SASS6: variants seen among roughly 807,000 people sequenced by gnomAD.
SASS6 encodes the protein SAS-6 centriolar assembly protein.
Under a neutral mutation model 94.9 loss-of-function variants are expected in SASS6, and 59 were observed. That is an observed-to-expected ratio of 0.62 (90% CI 0.50 to 0.77). SASS6 has a LOEUF of 0.77. Among genes scored for constraint, SASS6 ranks in the 30% least tolerant of loss-of-function variants. The probability of loss-of-function intolerance (pLI) is 0.00; values close to 1 mark genes in which losing one functional copy is unlikely to be tolerated. For synonymous variants in SASS6, 264 were observed against 270.0 expected, an observed-to-expected ratio of 0.98 and a Z score of 0.22; for missense variants, 698 against 734.1, an observed-to-expected ratio of 0.95 and a Z score of 0.57.
At chr1:100,101,344 T>TC (rs386354187) in intron 14 of SASS6, among the ~76,000 whole-genome samples, 1 of 151,692 alleles carries the variant, frequency 6.6e-6, no homozygotes, top group Non-Finnish European at 1.5e-5. Flanking sequence ...TTTTTTTTTT[T>TC]CCCTGTTAGG....
intron 12 of SASS6, among the ~76,000 whole-genome samples, chr1:100,106,204 T>G (rs1350722794): frequency 6.6e-6 from 1 of 152,162 alleles, no homozygotes; most frequent in African/African-American, 2.4e-5. Flanking sequence ...TTCACAATCT[T>G]ATGTATGATA....
At chr1:100,089,893 T>C (rs944638705) in intron 14 of SASS6, among the ~76,000 whole-genome samples, 1 of 151,776 alleles carries the variant, frequency 6.6e-6, no homozygotes, top group African/African-American at 2.4e-5. Flanking sequence ...TATACTTGAT[T>C]GTTTAAAGAA....
At position 100,094,866 on chromosome 1, in the gene SASS6, C is replaced by CAAA. The variant is rs555045794; in HGVS notation, c.1675-6633_1675-6631dup. Among the ~76,000 whole-genome samples the CAAA allele has an allele frequency of 4.2e-4, 40 of 95,030 alleles. 1 individual carries two copies. Among genetic ancestry groups the CAAA allele is most frequent in the African/African-American group, 8.1e-4 (22 of 27,080 alleles). The allele number at this position is 95,030 out of a possible 152,430, so 62.3% of individuals were successfully genotyped here. A position where few individuals can be genotyped will look rare whatever the true frequency, so the allele number is the denominator to read the frequency against. On this transcript the variant is annotated intron_variant, in intron 14 of 16. Coordinates refer to ENST00000287482, the MANE Select transcript of SASS6 (RefSeq NM_194292.3). ...GGGCAACAGAGAGAGACTCTGTCTC[C>CAAA]AAAAAAAAAAAAAAGAAAAAGAAAC...
intron 6 of SASS6, 93 bp from the exon 7 acceptor site, chr1:100,119,230 G>T (rs1231571230): frequency 4.5e-6 from 3 of 662,336 alleles, no homozygotes; most frequent in African/African-American, 1.9e-5. Context: ...GGATATTAAA[G>T]AAAACAAAAT....
intron 14 of SASS6, among the ~76,000 whole-genome samples, chr1:100,091,435 A>C (rs78066203): frequency 6.6e-6 from 1 of 152,102 alleles, no homozygotes; most frequent in African/African-American, 2.4e-5. Context: ...ATAATATTCT[A>C]ATGTCCAGGA....
rs747735010 is a variant in SASS6, at chr1:100,110,345, T to C, written c.808A>G (p.Lys270Glu). 6.2e-7 allele frequency: 1 copy of C among 1,607,134 alleles called. No homozygotes were observed. The highest frequency in any genetic ancestry group is 1.1e-5 in the South Asian group (1 of 90,084). Residue 270 changes from lysine (K) to glutamate (E), a missense_variant, in exon 8 of 17, where the codon AAA (lysine) becomes GAA (glutamate). Coordinates refer to ENST00000287482, the MANE Select transcript of SASS6 (RefSeq NM_194292.3). ...AGTTCTCTAATAGTGGAGTCTCCTT[T>C]ATATTTTCTTTCGGTTAAGTCTTTA... ...ANKDLTERKY[K>E]GDSTIRELKA...
At chr1:100,117,526 G>C (rs761645865) in intron 7 of SASS6, among the ~76,000 whole-genome samples, 1 of 151,536 alleles carries the variant, frequency 6.6e-6, no homozygotes, top group Non-Finnish European at 1.5e-5. Context: ...GGTGGCATGC[G>C]CCTGTAATCC....
intron 7 of SASS6, among the ~76,000 whole-genome samples, chr1:100,116,569 A>G (rs984352957): frequency 6.6e-6 from 1 of 152,190 alleles, no homozygotes; most frequent in African/African-American, 2.4e-5. Flanking sequence ...TGTCCACAAA[A>G]AGATAAGTAC....
chr1:100,094,844 CAA>C (rs1557880743), intron 14 of SASS6, among the ~76,000 whole-genome samples: 1 of 141,828 alleles, frequency 7.1e-6, no homozygotes, highest in African/African-American at 2.7e-5. Flanking sequence ...CCAGCCAGGG[CAA>C]CAGAGAGAGA....
At chr1:100,086,874 T>C (rs1275856429) in intron 15 of SASS6, among the ~76,000 whole-genome samples, 1 of 152,216 alleles carries the variant, frequency 6.6e-6, no homozygotes, top group Non-Finnish European at 1.5e-5. Context: ...TCAAACATTA[T>C]GATATTCTAC....
rs1197806767 is a variant in SASS6 at position 100,105,902 on chromosome 1, T to C, written c.1410A>G (p.Leu470=). Residue 470 remains leucine, a splice_region_variant and synonymous_variant, in exon 13 of 17, where the codon TTA becomes TTG. Transcript: ENST00000287482. ...SKQLLKNNEK[L]ITWLNKELNE... ...TTAGTTCTTTATTTAACCACGTGATTACTTAAATAAAAGAACAAGAAGCAA... is the reference window on the plus strand; with the variant it reads ...TTAGTTCTTTATTTAACCACGTGATCACTTAAATAAAAGAACAAGAAGCAA... 2 of 1,586,394 alleles carry C rather than the reference T, an allele frequency of 1.3e-6. No individual in the cohort carries two copies. The highest frequency in any genetic ancestry group is 1.7e-6 in the Non-Finnish European group (2 of 1,163,872).
chr1:100,127,287 A>C (rs1456553474), intron 1 of SASS6, among the ~76,000 whole-genome samples: 1 of 152,264 alleles, frequency 6.6e-6, no homozygotes, highest in Non-Finnish European at 1.5e-5. Flanking sequence ...TTTTCTTCTA[A>C]GGACTTCTTT....
intron 1 of SASS6, among the ~76,000 whole-genome samples, chr1:100,129,730 T>C (rs930225460): frequency 1.3e-5 from 2 of 152,316 alleles, no homozygotes; most frequent in South Asian, 4.1e-4. Flanking sequence ...GTATCAGGTA[T>C]ATTCAGAAGG....
chr1:100,128,399 T>C (rs1482935330), intron 1 of SASS6, among the ~76,000 whole-genome samples: 1 of 152,218 alleles, frequency 6.6e-6, no homozygotes, highest in Non-Finnish European at 1.5e-5. Context: ...ACAAGAAGAA[T>C]TCACTTATCA....
rs536087506 is a variant in SASS6 at position 100,116,872 on chromosome 1, A to G, written c.669+2146T>C. Among the ~76,000 whole-genome samples, 10 of 152,320 alleles carry G rather than the reference A, an allele frequency of 6.6e-5. No homozygotes were observed. The East Asian group carries it at 1.9e-3, about 29-fold the overall frequency. On this transcript the variant is annotated intron_variant, in intron 7 of 16. Transcript: ENST00000287482. The stretch of plus-strand genomic sequence containing the variant: ...ACTAGGAAGCCATACAAGGGAACCT[A>G]GAGGGGTGGTCCAATTTCTTTATCT...
At chr1:100,109,969 A>G (rs1173525590) in intron 8 of SASS6, among the ~76,000 whole-genome samples, 1 of 151,970 alleles carries the variant, frequency 6.6e-6, no homozygotes, top group Non-Finnish European at 1.5e-5. Flanking sequence ...GTTGAGGAAA[A>G]AAAACCCCAG....
intron 15 of SASS6, among the ~76,000 whole-genome samples, chr1:100,087,476 T>C (rs1651394176): frequency 6.6e-6 from 1 of 152,154 alleles, no homozygotes; most frequent in African/African-American, 2.4e-5. Flanking sequence ...ATATTAGTAG[T>C]AATAAATTAC....
chr1:100,089,589 C>T lies in SASS6; in HGVS notation c.1675-1353G>A, dbSNP rs11166400. Among the ~76,000 whole-genome samples the T allele has an allele frequency of 3.7e-3, 557 of 152,070 alleles. 7 individuals are homozygous for T. The highest frequency in any genetic ancestry group is 0.013 in the African/African-American group (525 of 41,484). ...AGAAAGTATTCAATCCAGGCAACAA[C>T]GGAATAACATCTTCAAAATACAGAT... On this transcript the variant is annotated intron_variant, in intron 14 of 16. Transcript: ENST00000287482.
chr1:100,132,843 G>T lies in SASS6; in HGVS notation c.-29C>A, dbSNP rs762241701. 45 of 1,607,360 alleles carry T rather than the reference G, an allele frequency of 2.8e-5. No homozygotes were observed. Among genetic ancestry groups the T allele is most frequent in the Admixed American group, 8.3e-5 (5 of 59,986 alleles). On this transcript the variant is annotated 5_prime_UTR_variant, in exon 1 of 17. It adds an upstream start codon to the 5' untranslated region. Transcript: ENST00000287482. ...GGCTCGCTGCCTCGGCTGGTGTGCA[G>T]AAAAGCCCAACAGGCCCGGCCCTCG...
Sources: gnomAD v4.1 joint callset for allele counts (sites outside exome capture counted in the v4.1 genomes callset) on GRCh38, gnomAD v4.1.1 for gene constraint, MANE v1.5 for transcripts, NCBI Gene and HGNC (gene_info 2026-07-23, HGNC 2026-07-21) for gene names.